STXBP2: variants seen among roughly 807,000 people sequenced by gnomAD.
STXBP2 encodes the protein syntaxin binding protein 2.
A neutral mutation model predicts 72.2 loss-of-function variants in STXBP2; 47 were observed. The observed-to-expected ratio is 0.65, with a 90% CI of 0.51 to 0.83. STXBP2 has a LOEUF of 0.83. STXBP2 is among the 40% of genes least tolerant of loss of function. The pLI is 0.00. For missense variants in STXBP2, 702 were observed against 807.6 expected (o/e 0.87, Z 1.58); for synonymous variants, 367 against 338.7 (o/e 1.08, Z -0.92).
intron 16 of STXBP2, chr19:7,646,816 T>C: frequency 2.3e-6 from 1 of 440,316 alleles, no homozygotes; most frequent in Non-Finnish European, 4.1e-6. Flanking sequence ...TCTGAGGGGC[T>C]GAGAGCCCAG....
chr19:7,637,308 G>A lies in STXBP2; in HGVS notation c.37+122G>A, dbSNP rs146368131. 1,046 of 643,112 alleles carry A rather than the reference G, an allele frequency of 1.6e-3. 7 individuals are homozygous for A. The African/African-American group carries it at 0.019, about 12-fold the overall frequency. 39.8% of individuals were successfully genotyped at this position (643,112 alleles called of 1,614,324 possible). On this transcript the variant is annotated intron_variant, in intron 1 of 18. Coordinates refer to ENST00000221283, the MANE Select transcript of STXBP2 (RefSeq NM_006949.4). Reference sequence around the variant, plus strand: ...GTTGGGGGCCGGGCTGGGCGTCCGAGCACCTGACCCTCGAGGGGGCGGGCG... The same window carrying A: ...GTTGGGGGCCGGGCTGGGCGTCCGAACACCTGACCCTCGAGGGGGCGGGCG...
Position 7,639,111 on chromosome 19 carries a change from G to GCGTCC in STXBP2, c.169+13_169+17dup, listed in dbSNP as rs1568463437. The stretch of plus-strand genomic sequence containing the variant: ...CTGAGGGCATCACCAGTGAGTGAAC[G>GCGTCC]CGTCCCCAGTGAGATGGGACCTGAG... On this transcript the variant is annotated intron_variant, in intron 3 of 18. Coordinates refer to ENST00000221283, the MANE Select transcript of STXBP2 (RefSeq NM_006949.4). The GCGTCC allele has an allele frequency of 1.9e-6, 3 of 1,613,920 alleles. No individual in the cohort carries two copies. The highest frequency in any genetic ancestry group is 2.5e-6 in the Non-Finnish European group (3 of 1,179,880).
At chr19:7,646,996 C>T in intron 16 of STXBP2, 166 bp from the exon 17 acceptor site, 1 of 645,810 alleles carries the variant, frequency 1.5e-6, no homozygotes, top group Non-Finnish European at 2.7e-6. Flanking sequence ...ATTTCTAGGT[C>T]CCCAATGGAC....
intron 13 of STXBP2, 114 bp from the exon 14 acceptor site, chr19:7,644,500 A>C: frequency 7.0e-7 from 1 of 1,420,970 alleles, no homozygotes; most frequent in Non-Finnish European, 9.6e-7. Context: ...TGCTGAGATG[A>C]GGTAGGACCC....
intron 15 of STXBP2, chr19:7,645,815 C>G (rs1281079922): frequency 6.0e-6 from 2 of 331,776 alleles, no homozygotes; most frequent in African/African-American, 4.1e-5. Context: ...TCGCTGTGCA[C>G]TGTTTCTCCA....
intron 16 of STXBP2, 94 bp downstream of exon 16, chr19:7,646,438 G>A: frequency 3.4e-6 from 4 of 1,167,114 alleles, no homozygotes; most frequent in Non-Finnish European, 5.0e-6. Flanking sequence ...CAGGGCTTAG[G>A]GGAAAATGCT....
chr19:7,631,370 G>A, the STXBP2 span: 1 of 1,346,332 alleles, frequency 7.4e-7, no homozygotes, highest in Non-Finnish European at 9.8e-7. Context: ...TGAAGCCGTG[G>A]TCTGGGGCAG....
Position 7,642,737 on chromosome 19 carries a change from C to G in STXBP2, c.903-29C>G. On this transcript the variant is annotated intron_variant, in intron 10 of 18. Coordinates refer to ENST00000221283, the MANE Select transcript of STXBP2 (RefSeq NM_006949.4). The surrounding 1 kb of genome is among the most constrained non-coding windows in gnomAD (Gnocchi z 6.0). ...ATGGCCTGTGGCTCCTCTCCCCTCACTCTCACCCCCGCCCACCCTCATGGC... is the reference window on the plus strand; with the variant it reads ...ATGGCCTGTGGCTCCTCTCCCCTCAGTCTCACCCCCGCCCACCCTCATGGC... 8.7e-6 allele frequency: 14 copies of G among 1,612,512 alleles called. No individual in the cohort carries two copies. Among genetic ancestry groups the G allele is most frequent in the Non-Finnish European group, 1.2e-5 (14 of 1,179,262 alleles).
At chr19:7,646,535 C>T in intron 16 of STXBP2, 191 bp downstream of exon 16, 1 of 665,310 alleles carries the variant, frequency 1.5e-6, no homozygotes, top group Non-Finnish European at 2.7e-6. Context: ...GACAGCGGGG[C>T]CTGTGCTGGG....
upstream of STXBP2, chr19:7,633,004 C>G: frequency 7.0e-7 from 1 of 1,434,146 alleles, no homozygotes; most frequent in South Asian, 1.5e-5. Flanking sequence ...AGACATGAGT[C>G]TCCTTCCCAA....
chr19:7,642,402 C>A lies in STXBP2; in HGVS notation c.795-27C>A. 2 of 1,613,392 alleles carry A rather than the reference C, an allele frequency of 1.2e-6. No homozygotes were observed. Among genetic ancestry groups the A allele is most frequent in the Non-Finnish European group, 1.7e-6 (2 of 1,179,538 alleles). On this transcript the variant is annotated intron_variant, in intron 9 of 18. Transcript: ENST00000221283. The surrounding 1 kb of genome is among the most constrained non-coding windows in gnomAD (Gnocchi z 6.0). ...GTTCCCCAGTCCTCAGCTCCCCTGACCCCCAGGCTCCCTCCTTCCTCCCCA... is the reference window on the plus strand; with the variant it reads ...GTTCCCCAGTCCTCAGCTCCCCTGAACCCCAGGCTCCCTCCTTCCTCCCCA...
upstream of STXBP2, among the ~76,000 whole-genome samples, chr19:7,636,114 GGCA>G (rs1441466223): frequency 1.1e-4 from 17 of 152,112 alleles, no homozygotes; most frequent in African/African-American, 4.1e-4. Flanking sequence ...TTTCCTTTAG[GGCA>G]GCATGGATCC....
intron 3 of STXBP2, 83 bp from the exon 4 acceptor site, chr19:7,639,648 C>T (rs2031706197): frequency 7.5e-7 from 1 of 1,339,506 alleles, no homozygotes; most frequent in Middle Eastern, 2.5e-4. Context: ...CCTCCCCAAG[C>T]CTCCAACCCC....
upstream of STXBP2, chr19:7,633,340 C>CTAAT (rs35533418): frequency 0.39 from 557,368 of 1,447,366 alleles, 112,911 homozygotes; most frequent in Non-Finnish European, 0.42. Context: ...GCCCTACAAA[C>CTAAT]TAGTCTTGTC....
the STXBP2 span, chr19:7,630,262 T>A: frequency 1.1e-5 from 5 of 459,632 alleles, no homozygotes; most frequent in Non-Finnish European, 1.9e-5. Flanking sequence ...GCTCCCGGGA[T>A]CTTAAGTGGG....
rs752941907 is a variant in STXBP2, at chr19:7,642,546, C to CA, written c.902+11dup. 6.2e-7 allele frequency: 1 copy of CA among 1,612,892 alleles called. No homozygotes were observed. The highest frequency in any genetic ancestry group is 1.1e-5 in the South Asian group (1 of 91,070). Reference sequence around the variant, plus strand: ...TCGCAGATGTGTCCAAGTGCGTGCACACGGGGACCGGATCCCCCCCCCACC... The same window carrying CA: ...TCGCAGATGTGTCCAAGTGCGTGCACAACGGGGACCGGATCCCCCCCCCACC... On this transcript the variant is annotated intron_variant, in intron 10 of 18. Transcript: ENST00000221283. The surrounding 1 kb of genome is among the most constrained non-coding windows in gnomAD (Gnocchi z 6.0).
chr19:7,642,704 G>T lies in STXBP2; in HGVS notation c.903-62G>T, dbSNP rs11881259. The T allele has an allele frequency of 1.3e-3, 2,046 of 1,570,460 alleles. 13 individuals carry two copies. Among genetic ancestry groups the T allele is most frequent in the African/African-American group, 0.012 (896 of 74,086 alleles). On this transcript the variant is annotated intron_variant, in intron 10 of 18. Coordinates refer to ENST00000221283, the MANE Select transcript of STXBP2 (RefSeq NM_006949.4). The surrounding 1 kb of genome is among the most constrained non-coding windows in gnomAD (Gnocchi z 6.0). ...ACCTCTCCCTGTCCCCCCTGAGTGG[G>T]CTCACCCATGGCCTGTGGCTCCTCT...
chr19:7,641,757 G>A lies in STXBP2; in HGVS notation c.482G>A (p.Arg161Gln), dbSNP rs1365793463. 5.2e-6 allele frequency: 8 copies of A among 1,552,646 alleles called. No individual in the cohort carries two copies. The highest frequency in any genetic ancestry group is 4.9e-5 in the East Asian group (2 of 41,216). ...HSTYNLYCPF[R>Q]AEERTRQLEV... ...ACCTACAACCTCTACTGCCCCTTCCGGGCAGAGGAGCGCACGCGGCAGCTC... is the reference window on the plus strand; with the variant it reads ...ACCTACAACCTCTACTGCCCCTTCCAGGCAGAGGAGCGCACGCGGCAGCTC... Residue 161 changes from arginine (R) to glutamine (Q), a missense_variant, in exon 7 of 19, where the codon CGG (arginine) becomes CAG (glutamine). Arg to Gln is a conservative substitution (Grantham distance 43). Transcript: ENST00000221283.
At chr19:7,638,656 C>A in intron 1 of STXBP2, 70 bp from the exon 2 acceptor site, 1 of 1,557,170 alleles carries the variant, frequency 6.4e-7, no homozygotes, top group Non-Finnish European at 8.9e-7. Flanking sequence ...AGCCCCAAGG[C>A]TGAGAAGGCT....
Sources: gnomAD v4.1 joint callset for allele counts (sites outside exome capture counted in the v4.1 genomes callset) on GRCh38, gnomAD v4.1.1 for gene constraint, Gnocchi (gnomAD v3.1) non-coding constraint, MANE v1.5 for transcripts, NCBI Gene and HGNC (gene_info 2026-07-23, HGNC 2026-07-21) for gene names.